Variants in THRB observed in about 807,000 individuals in gnomAD.
THRB encodes the protein nuclear receptor subfamily 1 group A member 2.
A neutral mutation model predicts 47.8 loss-of-function variants in THRB; 12 were observed. The ratio of observed to expected loss-of-function variants is 0.25; its 90% CI spans 0.16 to 0.41. The LOEUF (loss-of-function observed/expected upper bound fraction) is 0.41. Among genes scored for constraint, THRB ranks in the 10% least tolerant of loss-of-function variants. THRB has a pLI of 1.00. For missense variants in THRB, 348 were observed against 589.2 expected (o/e 0.59, Z 4.24); for synonymous variants, 218 against 212.2 (o/e 1.03, Z -0.24).
At chr3:24,346,765 C>T (rs949081152) in intron 1 of THRB, among the ~76,000 whole-genome samples, 3 of 151,860 alleles carry the variant, frequency 2.0e-5, no homozygotes, top group Admixed American at 1.3e-4. Context: ...TATTAAGCCT[C>T]AAAATATATA....
intron 3 of THRB, among the ~76,000 whole-genome samples, chr3:24,240,027 C>T (rs756516247): frequency 6.6e-6 from 1 of 152,188 alleles, no homozygotes; most frequent in Non-Finnish European, 1.5e-5. Context: ...AAACATCCCA[C>T]TGTATTTCTG....
chr3:24,130,065 G>A (rs1295709273), intron 9 of THRB, among the ~76,000 whole-genome samples: 1 of 152,158 alleles, frequency 6.6e-6, no homozygotes, highest in Admixed American at 6.5e-5. Flanking sequence ...CCTCTTTTGG[G>A]TTTGAGAGAG....
At chr3:24,198,478 A>C (rs2044239059) in intron 4 of THRB, among the ~76,000 whole-genome samples, 1 of 99,990 alleles carries the variant, frequency 1.0e-5, no homozygotes, top group South Asian at 4.0e-4. Context: ...TTTTTTTTTA[A>C]CTACTAGTAA....
intron 3 of THRB, among the ~76,000 whole-genome samples, chr3:24,286,043 T>C (rs1382208239): frequency 3.3e-5 from 5 of 152,116 alleles, no homozygotes; most frequent in Non-Finnish European, 7.4e-5. Context: ...TTGCTCTTCA[T>C]ACATATGCAC....
chr3:24,323,815 T>C (rs569257913), intron 2 of THRB, among the ~76,000 whole-genome samples: 4 of 152,334 alleles, frequency 2.6e-5, no homozygotes, highest in African/African-American at 7.2e-5. Context: ...TATCTTGAAA[T>C]AAAGCAATCA....
At chr3:24,153,590 A>C (rs1196048326) in intron 5 of THRB, among the ~76,000 whole-genome samples, 1 of 152,172 alleles carries the variant, frequency 6.6e-6, no homozygotes, top group African/African-American at 2.4e-5. Context: ...AAAAAGCACA[A>C]AAGCAGAAGC....
intron 1 of THRB, among the ~76,000 whole-genome samples, chr3:24,368,658 T>G (rs772705064): frequency 3.4e-4 from 52 of 152,320 alleles, no homozygotes; most frequent in Non-Finnish European, 5.9e-4. Flanking sequence ...ACGTGTGTCC[T>G]TTACCACAGA....
At chr3:24,138,222 G>C (rs780687970) in intron 8 of THRB, among the ~76,000 whole-genome samples, 3 of 152,208 alleles carry the variant, frequency 2.0e-5, no homozygotes, top group Non-Finnish European at 4.4e-5. Context: ...ATGCAGAATG[G>C]AGTGGGGCCA....
intron 3 of THRB, among the ~76,000 whole-genome samples, chr3:24,279,757 T>C (rs554538284): frequency 5.5e-4 from 84 of 152,198 alleles, no homozygotes; most frequent in African/African-American, 2.0e-3. Flanking sequence ...CATCCTCACA[T>C]TGCCTTGTAA....
intron 1 of THRB, among the ~76,000 whole-genome samples, chr3:24,420,106 A>C (rs2069103300): frequency 6.6e-6 from 1 of 151,868 alleles, no homozygotes; most frequent in African/African-American, 2.4e-5. Flanking sequence ...AAATGACATA[A>C]ATTTATGCCT....
At chr3:24,491,037 A>T (rs1698066981) in intron 1 of THRB, among the ~76,000 whole-genome samples, 1 of 152,232 alleles carries the variant, frequency 6.6e-6, no homozygotes, top group Non-Finnish European at 1.5e-5. Flanking sequence ...AGTATATACT[A>T]GTTGGCAAGC....
chr3:24,198,452 G>T (rs28579434), intron 4 of THRB, among the ~76,000 whole-genome samples: 2 of 47,902 alleles, frequency 4.2e-5, no homozygotes, highest in African/African-American at 6.5e-5. Context: ...GTCTCCCCCC[G>T]CCCCCCCCCC....
At chr3:24,232,670 T>C (rs1454013106) in intron 3 of THRB, among the ~76,000 whole-genome samples, 2 of 152,128 alleles carry the variant, frequency 1.3e-5, no homozygotes, top group African/African-American at 4.8e-5. Context: ...AGACCCAATG[T>C]GGGTTTTTAA....
chr3:24,127,370 A>G, intron 10 of THRB, 129 bp downstream of exon 10: 2 of 1,024,628 alleles, frequency 2.0e-6, no homozygotes, highest in Middle Eastern at 3.0e-4. Flanking sequence ...CAAACCTGCA[A>G]TTTCTTACTG....
At chr3:24,449,704 T>C (rs1241409320) in intron 1 of THRB, among the ~76,000 whole-genome samples, 1 of 152,174 alleles carries the variant, frequency 6.6e-6, no homozygotes, top group East Asian at 1.9e-4. Flanking sequence ...CCTTATCTTT[T>C]CCCTAAATAC....
At chr3:24,400,960 AGGTCT>A in intron 1 of THRB, among the ~76,000 whole-genome samples, 1 of 152,180 alleles carries the variant, frequency 6.6e-6, no homozygotes, top group Middle Eastern at 3.4e-3. Flanking sequence ...GCATAATTAC[AGGTCT>A]GGTGTTTGGA....
chr3:24,385,340 A>ATATT (rs1418796247), intron 1 of THRB, among the ~76,000 whole-genome samples: 5 of 152,020 alleles, frequency 3.3e-5, no homozygotes, highest in Non-Finnish European at 7.4e-5. Flanking sequence ...ACCTCCACTA[A>ATATT]TATTTAAAGG....
intron 4 of THRB, among the ~76,000 whole-genome samples, chr3:24,216,915 A>C (rs1198888522): frequency 1.3e-5 from 2 of 152,008 alleles, no homozygotes; most frequent in East Asian, 3.9e-4. Context: ...TTACATAGAA[A>C]TCTTTGAAGA....
At chr3:24,485,784 G>T (rs1697200197) in intron 1 of THRB, among the ~76,000 whole-genome samples, 1 of 151,962 alleles carries the variant, frequency 6.6e-6, no homozygotes, top group Non-Finnish European at 1.5e-5. Context: ...CACCCCTATG[G>T]GTTCCCACAA....
Sources: gnomAD v4.1 joint callset for allele counts (sites outside exome capture counted in the v4.1 genomes callset) on GRCh38, gnomAD v4.1.1 for gene constraint, MANE v1.5 for transcripts, NCBI Gene and HGNC (gene_info 2026-07-23, HGNC 2026-07-21) for gene names.